The following PPP2R5E variants were observed in gnomAD, a reference collection of about 807,000 sequenced individuals.
PPP2R5E encodes the protein protein phosphatase 2 regulatory subunit B'epsilon.
In PPP2R5E, 4 loss-of-function variants were observed where a neutral mutation model predicts 65.3. The observed-to-expected ratio is 0.06, with a 90% CI of 0.03 to 0.14. The LOEUF is 0.14. Ranked by LOEUF, PPP2R5E falls within the 10% of genes least tolerant of loss-of-function variation. The pLI is 1.00. For missense variants in PPP2R5E, 274 were observed against 556.1 expected (o/e 0.49, Z 5.10); for synonymous variants, 183 against 187.4 (o/e 0.98, Z 0.19).
intron 2 of PPP2R5E, among the ~76,000 whole-genome samples, chr14:63,525,694 C>G (rs1407295196): frequency 6.6e-6 from 1 of 152,208 alleles, no homozygotes; most frequent in African/African-American, 2.4e-5. Context: ...CTAAAACTCA[C>G]CCACTGACCA....
At chr14:63,432,434 A>G (rs1887723652) in intron 3 of PPP2R5E, among the ~76,000 whole-genome samples, 1 of 152,222 alleles carries the variant, frequency 6.6e-6, no homozygotes, top group Non-Finnish European at 1.5e-5. Flanking sequence ...AACTGTATGA[A>G]AGAAAGGAAT....
chr14:63,514,181 A>G (rs1459339103), intron 2 of PPP2R5E, among the ~76,000 whole-genome samples: 1 of 152,230 alleles, frequency 6.6e-6, no homozygotes, highest in Non-Finnish European at 1.5e-5. Flanking sequence ...AATACTACCC[A>G]ATAAATTTAG....
At chr14:63,531,401 T>C (rs1339200344) in intron 2 of PPP2R5E, among the ~76,000 whole-genome samples, 1 of 152,040 alleles carries the variant, frequency 6.6e-6, no homozygotes, top group Non-Finnish European at 1.5e-5. Flanking sequence ...TTTTTTGTCC[T>C]TGCGATGTAT....
intron 2 of PPP2R5E, among the ~76,000 whole-genome samples, chr14:63,510,939 G>C (rs1476341362): frequency 6.6e-6 from 1 of 152,248 alleles, no homozygotes; most frequent in East Asian, 1.9e-4. Context: ...AGTAGCAAAG[G>C]AGGCAGAGAA....
intron 2 of PPP2R5E, 28 bp downstream of exon 2, chr14:63,539,501 G>T: frequency 6.3e-7 from 1 of 1,594,034 alleles, no homozygotes; most frequent in Non-Finnish European, 8.5e-7. Context: ...AATTGAAAAA[G>T]AATGCATCAC....
intron 2 of PPP2R5E, among the ~76,000 whole-genome samples, chr14:63,471,324 C>A (rs1890122026): frequency 6.6e-6 from 1 of 152,214 alleles, no homozygotes; most frequent in Non-Finnish European, 1.5e-5. Flanking sequence ...TACACTCTTT[C>A]AGGATCTTGA....
intron 11 of PPP2R5E, among the ~76,000 whole-genome samples, 167 bp downstream of exon 11, chr14:63,389,445 T>C (rs2139772741): frequency 6.6e-6 from 1 of 152,266 alleles, no homozygotes; most frequent in South Asian, 2.1e-4. Flanking sequence ...CTGTGGCTGT[T>C]AGGCAGCAAG....
intron 5 of PPP2R5E, among the ~76,000 whole-genome samples, chr14:63,404,957 G>T (rs888533294): frequency 6.6e-6 from 1 of 152,112 alleles, no homozygotes; most frequent in African/African-American, 2.4e-5. Flanking sequence ...ATAAACATGC[G>T]GTGGTCCCTG....
chr14:63,522,957 T>TG (rs1286703563), intron 2 of PPP2R5E, among the ~76,000 whole-genome samples: 8 of 112,706 alleles, frequency 7.1e-5, no homozygotes, highest in African/African-American at 1.1e-4. Flanking sequence ...GGGAGGGAGG[T>TG]GGGGGGGTCA....
chr14:63,397,614 T>G (rs1481141316), intron 5 of PPP2R5E, among the ~76,000 whole-genome samples: 1 of 151,616 alleles, frequency 6.6e-6, no homozygotes, highest in East Asian at 1.9e-4. Flanking sequence ...TCAATGATAC[T>G]GGCAATGGTC....
chr14:63,415,914 T>C (rs1400112093), intron 4 of PPP2R5E, among the ~76,000 whole-genome samples: 3 of 152,206 alleles, frequency 2.0e-5, no homozygotes, highest in Admixed American at 6.5e-5. Flanking sequence ...GTGGAATTGC[T>C]AGATCACAAG....
At chr14:63,439,489 C>G (rs1888102861) in intron 3 of PPP2R5E, among the ~76,000 whole-genome samples, 1 of 152,226 alleles carries the variant, frequency 6.6e-6, no homozygotes, top group Admixed American at 6.5e-5. Context: ...ATTCTCCTGC[C>G]TCAGCCTCCA....
Position 63,376,067 on chromosome 14 carries a change from T to G in PPP2R5E, c.1346A>C (p.Lys449Thr). ...TCTCTTTAACTCCAGATCCTCCAAT[T>G]TTTTCCACAATTCTTCACGCTCCTT... ...KEKEREELWK[K>T]LEDLELKRGL... is the part of the protein sequence containing the mutation. The change falls in exon 14 of 14, where the codon AAA (lysine) becomes ACA (threonine). Residue 449 changes from lysine (K) to threonine (T), a missense_variant. By Grantham distance (78) the Lys-to-Thr change is moderately conservative. This residue lies in a region of PPP2R5E where 129 missense variants were observed against 254.9 expected (regional missense o/e 0.51). Transcript: ENST00000337537. 1 of 1,610,048 alleles carries G rather than the reference T, an allele frequency of 6.2e-7. No homozygotes were observed.
At chr14:63,379,826 C>CCCTCTTT (rs1884213502) in intron 13 of PPP2R5E, among the ~76,000 whole-genome samples, 1 of 100,300 alleles carries the variant, frequency 1.0e-5, no homozygotes, top group African/African-American at 5.2e-5. Context: ...TATTCTCTCT[C>CCCTCTTT]TTTTTTTTTT....
intron 2 of PPP2R5E, among the ~76,000 whole-genome samples, chr14:63,462,956 G>T (rs1170283654): frequency 6.6e-6 from 1 of 151,358 alleles, no homozygotes; most frequent in Non-Finnish European, 1.5e-5. Flanking sequence ...TACAAAATTA[G>T]CCAGGTGTGG....
At chr14:63,509,494 G>A (rs1481627191) in intron 2 of PPP2R5E, among the ~76,000 whole-genome samples, 2 of 151,752 alleles carry the variant, frequency 1.3e-5, no homozygotes, top group African/African-American at 4.8e-5. Context: ...GGCTGGTTTC[G>A]AACTCCTGAC....
intron 2 of PPP2R5E, among the ~76,000 whole-genome samples, chr14:63,509,793 T>C (rs1198167711): frequency 2.6e-5 from 4 of 152,186 alleles, no homozygotes; most frequent in Non-Finnish European, 5.9e-5. Context: ...CAAATTATAC[T>C]TGAAGGACAG....
intron 2 of PPP2R5E, among the ~76,000 whole-genome samples, chr14:63,461,244 C>T (rs566389162): frequency 6.6e-6 from 1 of 151,838 alleles, no homozygotes; most frequent in South Asian, 2.1e-4. Context: ...GCTTGACAGG[C>T]TATACTAAAA....
intron 5 of PPP2R5E, among the ~76,000 whole-genome samples, chr14:63,400,698 C>CAAAAAAAAAAAAAAAAAAAAAAAA (rs1566675861): frequency 5.1e-4 from 1 of 1,968 alleles, no homozygotes. Context: ...CCCCAACCAG[C>CAAAAAAAAAAAAAAAAAAAAAAAA]CAAAAAAAAA....
Sources: gnomAD v4.1 joint callset for allele counts (sites outside exome capture counted in the v4.1 genomes callset) on GRCh38, gnomAD v4.1.1 for gene constraint, gnomAD v4.1.1 regional missense constraint, MANE v1.5 for transcripts, NCBI Gene and HGNC (gene_info 2026-07-23, HGNC 2026-07-21) for gene names.